Variants in L2HGDH observed in about 807,000 individuals in gnomAD.
The protein encoded by L2HGDH is L-2-hydroxyglutarate dehydrogenase.
A neutral mutation model predicts 51.5 loss-of-function variants in L2HGDH; 34 were observed. The ratio of observed to expected loss-of-function variants is 0.66; its 90% CI spans 0.50 to 0.88. The LOEUF (loss-of-function observed/expected upper bound fraction) is 0.88, where lower values mean the gene tolerates loss of function less well. Among genes scored for constraint, L2HGDH ranks in the 40% least tolerant of loss-of-function variants. The pLI is 0.00. For missense variants in L2HGDH, 558 were observed against 571.9 expected (o/e 0.98, Z 0.25); for synonymous variants, 198 against 197.9 (o/e 1.00, Z -0.01).
At chr14:50,295,064 C>A (rs2029952674) in intron 3 of L2HGDH, among the ~76,000 whole-genome samples, 1 of 152,128 alleles carries the variant, frequency 6.6e-6, no homozygotes, top group Non-Finnish European at 1.5e-5. Context: ...AGACAACCCA[C>A]ACAATGAGAA....
At chr14:50,269,763 A>G (rs1012350496) in intron 6 of L2HGDH, among the ~76,000 whole-genome samples, 1 of 152,264 alleles carries the variant, frequency 6.6e-6, no homozygotes, top group African/African-American at 2.4e-5. Context: ...TTTAATTTGG[A>G]TTAATTAAAA....
intron 6 of L2HGDH, among the ~76,000 whole-genome samples, chr14:50,271,560 G>C (rs1014065764): frequency 6.6e-6 from 1 of 151,988 alleles, no homozygotes; most frequent in Admixed American, 6.5e-5. Flanking sequence ...TTTCTTTTAG[G>C]CTTGGCACGG....
intron 6 of L2HGDH, among the ~76,000 whole-genome samples, chr14:50,270,635 T>G (rs1889622748): frequency 6.6e-6 from 1 of 152,092 alleles, no homozygotes; most frequent in Non-Finnish European, 1.5e-5. Context: ...GCCTTCCGAG[T>G]AGCCGGAACT....
In L2HGDH at chr14:50,247,275, G is replaced by C; in HGVS notation, c.1197-22C>G. On this transcript the variant is annotated intron_variant, in intron 9 of 9. Transcript: ENST00000267436. ...GCCCCTGCAAAAGTAAAAGATGGGA[G>C]TCAGCTGACTCAAAGACATAGGATA... is the stretch of plus-strand genomic sequence containing the variant. 1.9e-6 allele frequency: 3 copies of C among 1,608,464 alleles called. No individual in the cohort carries two copies. In the South Asian group the frequency reaches 3.3e-5, roughly 18 times the overall value.
chr14:50,277,697 C>T (rs898508485), intron 6 of L2HGDH, among the ~76,000 whole-genome samples: 2 of 151,350 alleles, frequency 1.3e-5, no homozygotes, highest in African/African-American at 4.9e-5. Flanking sequence ...GGTGTGCACC[C>T]GAGAGGCGGA....
At chr14:50,251,144 A>AGAGTCTCAG (rs1566501250) in intron 9 of L2HGDH, among the ~76,000 whole-genome samples, 2 of 151,530 alleles carry the variant, frequency 1.3e-5, no homozygotes, top group Admixed American at 6.6e-5. Context: ...AGAATTCACA[A>AGAGTCTCAG]TTCTTTCAGA....
intron 6 of L2HGDH, among the ~76,000 whole-genome samples, chr14:50,270,632 G>A (rs1160657594): frequency 1.3e-5 from 2 of 152,024 alleles, no homozygotes; most frequent in African/African-American, 2.4e-5. Context: ...TCAGCCTTCC[G>A]AGTAGCCGGA....
In L2HGDH at chr14:50,308,007, T is replaced by TA. The variant is rs1428125732; in HGVS notation, c.140+4003dup. Among the ~76,000 whole-genome samples the TA allele has an allele frequency of 1.6e-4, 25 of 152,204 alleles. No homozygotes were observed. The East Asian group carries it at 4.2e-3, about 26-fold the overall frequency. ...CTGCAAAAAGACTCTGTTAAGAGGA[T>TA]AAAAAAACTAAGAAATTGGAAAAAA... On this transcript the variant is annotated intron_variant, in intron 1 of 9. Transcript: ENST00000267436.
At chr14:50,273,473 A>T (rs2883802) in intron 6 of L2HGDH, among the ~76,000 whole-genome samples, 2 of 151,884 alleles carry the variant, frequency 1.3e-5, no homozygotes, top group African/African-American at 2.4e-5. Context: ...TTAAATATTT[A>T]GATTAAAAGA....
chr14:50,299,460 A>C (rs2030276993), intron 3 of L2HGDH, among the ~76,000 whole-genome samples: 6 of 152,228 alleles, frequency 3.9e-5, no homozygotes. Flanking sequence ...AAATATTTCC[A>C]AACACATTCC....
intron 9 of L2HGDH, among the ~76,000 whole-genome samples, chr14:50,253,405 T>A (rs926965631): frequency 3.3e-5 from 5 of 152,040 alleles, no homozygotes; most frequent in African/African-American, 9.7e-5. Context: ...AAAGAAGACA[T>A]ACCAATGGCA....
At position 50,267,676 on chromosome 14, in the gene L2HGDH, G is replaced by A. The variant is rs1595087387; in HGVS notation, c.1064+77C>T. On this transcript the variant is annotated intron_variant, in intron 8 of 9. Transcript: ENST00000267436. ...AATATGGGGATTTACCCAATAAGTA[G>A]AGTATCAAGAAAGACAAAACTTCCC... 4 of 1,073,536 alleles carry A rather than the reference G, an allele frequency of 3.7e-6. No homozygotes were observed. In the East Asian group the frequency reaches 1.0e-4, roughly 28 times the overall value. 66.5% of individuals were successfully genotyped at this position (1,073,536 alleles called of 1,614,324 possible).
intron 1 of L2HGDH, among the ~76,000 whole-genome samples, chr14:50,306,788 G>C (rs535713789): frequency 5.3e-5 from 8 of 151,840 alleles, no homozygotes; most frequent in African/African-American, 1.9e-4. Context: ...AAGCAGGGCT[G>C]GTGAAAGTTT....
At chr14:50,260,231 C>G (rs905635316) in intron 9 of L2HGDH, among the ~76,000 whole-genome samples, 8 of 151,382 alleles carry the variant, frequency 5.3e-5, no homozygotes, top group Non-Finnish European at 1.2e-4. Flanking sequence ...TTTTTCCAGA[C>G]TTCCTTTCTT....
intron 8 of L2HGDH, 51 bp downstream of exon 8, chr14:50,267,702 A>G: frequency 7.1e-7 from 1 of 1,415,164 alleles, no homozygotes. Flanking sequence ...AAAACTTCCC[A>G]CATTGAAAAT....
Position 50,274,764 on chromosome 14 carries a change from T to C in L2HGDH, c.738+3756A>G, listed in dbSNP as rs938653559. On this transcript the variant is annotated intron_variant, in intron 6 of 9. Transcript: ENST00000267436. ...GAATGGATAAAGAAAATGTGATATA[T>C]ATACACAATGCAATATTATTCAGCC... is the stretch of plus-strand genomic sequence containing the variant. 4.6e-5 allele frequency among the ~76,000 whole-genome samples: 7 copies of C among 152,176 alleles called. No individual in the cohort carries two copies. In the East Asian group the frequency reaches 9.6e-4, roughly 21 times the overall value.
intron 9 of L2HGDH, among the ~76,000 whole-genome samples, chr14:50,257,305 T>C (rs1261798327): frequency 6.6e-6 from 1 of 152,134 alleles, no homozygotes; most frequent in African/African-American, 2.4e-5. Flanking sequence ...TACCTTCCAA[T>C]TTGATAATTT....
chr14:50,264,356 C>T (rs532984325), intron 9 of L2HGDH, among the ~76,000 whole-genome samples: 2 of 152,128 alleles, frequency 1.3e-5, no homozygotes, highest in African/African-American at 2.4e-5. Flanking sequence ...CCAGCCTGGA[C>T]AAGAAGAGCG....
chr14:50,260,490 G>A (rs1308267987), intron 9 of L2HGDH, among the ~76,000 whole-genome samples: 1 of 152,062 alleles, frequency 6.6e-6, no homozygotes, highest in Non-Finnish European at 1.5e-5. Context: ...TATAACTCAA[G>A]CCCCTCAGTT....
Sources: gnomAD v4.1 joint callset for allele counts (sites outside exome capture counted in the v4.1 genomes callset) on GRCh38, gnomAD v4.1.1 for gene constraint, MANE v1.5 for transcripts, NCBI Gene and HGNC (gene_info 2026-07-23, HGNC 2026-07-21) for gene names.